TRAPPC9: variants seen among roughly 807,000 people sequenced by gnomAD.
TRAPPC9 encodes the protein IKK2 binding protein.
Under a neutral mutation model 124.0 loss-of-function variants are expected in TRAPPC9, and 83 were observed. That is an observed-to-expected ratio of 0.67 (90% CI 0.56 to 0.80). The LOEUF (loss-of-function observed/expected upper bound fraction) is 0.80. TRAPPC9 is among the 30% of genes least tolerant of loss of function. The pLI, the probability that TRAPPC9 is intolerant of heterozygous loss-of-function variation, is 0.00. For missense variants in TRAPPC9, 1,302 were observed against 1,508.3 expected (o/e 0.86, Z 2.27); for synonymous variants, 638 against 617.5 (o/e 1.03, Z -0.49).
intron 19 of TRAPPC9, among the ~76,000 whole-genome samples, chr8:139,966,853 T>C (rs1835739533): frequency 6.6e-6 from 1 of 152,170 alleles, no homozygotes; most frequent in African/African-American, 2.4e-5. Flanking sequence ...ATTCCCGACA[T>C]ACGGTTTAGC....
chr8:139,795,591 T>C (rs1822997674), intron 21 of TRAPPC9, among the ~76,000 whole-genome samples: 1 of 152,112 alleles, frequency 6.6e-6, no homozygotes, highest in Non-Finnish European at 1.5e-5. Context: ...AGTGAAGTCA[T>C]CAGTAAGCGG....
intron 5 of TRAPPC9, among the ~76,000 whole-genome samples, chr8:140,409,063 T>C (rs1012695159): frequency 6.6e-6 from 1 of 151,894 alleles, no homozygotes; most frequent in Non-Finnish European, 1.5e-5. Context: ...TTTAAAAATA[T>C]ATGCAACATA....
chr8:139,777,882 G>C (rs1240652599), intron 21 of TRAPPC9, among the ~76,000 whole-genome samples: 1 of 152,180 alleles, frequency 6.6e-6, no homozygotes, highest in Non-Finnish European at 1.5e-5. Flanking sequence ...CACCCCTAAA[G>C]ACTGTGAGTT....
At chr8:140,325,408 C>T (rs1282568909) in intron 9 of TRAPPC9, among the ~76,000 whole-genome samples, 1 of 152,052 alleles carries the variant, frequency 6.6e-6, no homozygotes, top group East Asian at 1.9e-4. Context: ...TGATAAACCC[C>T]TAGAAGAGAA....
intron 17 of TRAPPC9, among the ~76,000 whole-genome samples, chr8:140,117,261 A>C (rs1318184820): frequency 2.6e-5 from 4 of 152,222 alleles, no homozygotes; most frequent in Non-Finnish European, 5.9e-5. Context: ...CAAAGTGCTC[A>C]CCACACAGTA....
chr8:140,379,208 TG>T (rs1433162427), intron 7 of TRAPPC9, among the ~76,000 whole-genome samples: 1 of 152,204 alleles, frequency 6.6e-6, no homozygotes, highest in Non-Finnish European at 1.5e-5. Context: ...AGCCTGGTGC[TG>T]GTGTCCGAGG....
At chr8:139,856,008 TC>T (rs1273744300) in intron 21 of TRAPPC9, among the ~76,000 whole-genome samples, 3 of 152,062 alleles carry the variant, frequency 2.0e-5, no homozygotes, top group Non-Finnish European at 4.4e-5. Context: ...TTGAGCAAGT[TC>T]CCCAACTCCG....
chr8:140,005,503 C>G (rs889918701), intron 18 of TRAPPC9, among the ~76,000 whole-genome samples: 2 of 152,084 alleles, frequency 1.3e-5, no homozygotes, highest in Non-Finnish European at 2.9e-5. Context: ...TGGGGGTAAA[C>G]GAGCAGGTCT....
At position 140,195,254 on chromosome 8, in the gene TRAPPC9, C is replaced by T. The variant is rs112182224; in HGVS notation, c.2556+26205G>A. ...ACAGATAACACCTGTGACACTAAAA[C>T]ACACAACGATCCATCATACAGATCA... On this transcript the variant is annotated intron_variant, in intron 17 of 22. Transcript: ENST00000438773. Among the ~76,000 whole-genome samples, 6 of 152,164 alleles carry T rather than the reference C, an allele frequency of 3.9e-5. 1 individual carries two copies. Among genetic ancestry groups the T allele is most frequent in the African/African-American group, 1.4e-4 (6 of 41,478 alleles).
Position 140,025,593 on chromosome 8 carries a change from GA to G in TRAPPC9, c.2557-1515del, listed in dbSNP as rs1382950693. Among the ~76,000 whole-genome samples, 72 of 150,086 alleles carry G rather than the reference GA, an allele frequency of 4.8e-4. 1 individual carries two copies. Among genetic ancestry groups the G allele is most frequent in the Admixed American group, 2.3e-3 (35 of 15,102 alleles). ...AAAAAAAAAAAAAGAAAAGAAAAAG[GA>G]AAAAAAGGAAATCAAAGCTTCTCAA... On this transcript the variant is annotated intron_variant, in intron 17 of 22. Coordinates refer to ENST00000438773, the MANE Select transcript of TRAPPC9 (RefSeq NM_001160372.4).
chr8:140,444,755 T>C (rs2071178085), intron 2 of TRAPPC9, among the ~76,000 whole-genome samples: 1 of 150,876 alleles, frequency 6.6e-6, no homozygotes, highest in African/African-American at 2.4e-5. Context: ...TCCTAGCTAC[T>C]TAGGAGGCAA....
chr8:140,013,799 C>T (rs1839285526), intron 18 of TRAPPC9, among the ~76,000 whole-genome samples: 1 of 152,180 alleles, frequency 6.6e-6, no homozygotes, highest in Admixed American at 6.5e-5. Context: ...TTTTCAGACA[C>T]TTTATAACAC....
At chr8:140,229,483 C>T (rs942349223) in intron 16 of TRAPPC9, among the ~76,000 whole-genome samples, 2 of 151,872 alleles carry the variant, frequency 1.3e-5, no homozygotes, top group African/African-American at 4.8e-5. Flanking sequence ...CCAGGCTGCT[C>T]TTGAACTCCT....
At chr8:139,865,943 A>G (rs1828503763) in intron 21 of TRAPPC9, among the ~76,000 whole-genome samples, 1 of 152,194 alleles carries the variant, frequency 6.6e-6, no homozygotes, top group African/African-American at 2.4e-5. Context: ...GAAGCCTGAG[A>G]CATCAATCAA....
At chr8:139,818,643 C>T (rs1001063974) in intron 21 of TRAPPC9, among the ~76,000 whole-genome samples, 1 of 152,066 alleles carries the variant, frequency 6.6e-6, no homozygotes, top group African/African-American at 2.4e-5. Context: ...TAACAACTGG[C>T]TATTGTGGGG....
intron 4 of TRAPPC9, among the ~76,000 whole-genome samples, chr8:140,431,032 G>T (rs2070621933): frequency 6.6e-6 from 1 of 152,118 alleles, no homozygotes; most frequent in Admixed American, 6.5e-5. Flanking sequence ...GAAAACAGGG[G>T]TGTTTTTATT....
Position 140,203,031 on chromosome 8 carries a change from T to C in TRAPPC9, c.2556+18428A>G, listed in dbSNP as rs112492399. 1.2e-4 allele frequency among the ~76,000 whole-genome samples: 19 copies of C among 152,238 alleles called. 1 individual carries two copies. Among genetic ancestry groups the C allele is most frequent in the African/African-American group, 4.6e-4 (19 of 41,538 alleles). On this transcript the variant is annotated intron_variant, in intron 17 of 22. Coordinates refer to ENST00000438773, the MANE Select transcript of TRAPPC9 (RefSeq NM_001160372.4). ...AAGTGGTGCTAGCTGAAAACAAACT[T>C]AAAAGCAAAATGCAATGCAATGAGT...
At chr8:140,378,924 A>G (rs1398707438) in intron 7 of TRAPPC9, among the ~76,000 whole-genome samples, 1 of 152,094 alleles carries the variant, frequency 6.6e-6, no homozygotes, top group Non-Finnish European at 1.5e-5. Context: ...TGAGCTTTGC[A>G]TTTTGAAAGA....
At chr8:140,423,348 G>C (rs2070288501) in intron 5 of TRAPPC9, among the ~76,000 whole-genome samples, 1 of 152,070 alleles carries the variant, frequency 6.6e-6, no homozygotes, top group South Asian at 2.1e-4. Flanking sequence ...GCTGAAGCAG[G>C]AGAATCGCTT....
Sources: gnomAD v4.1 joint callset for allele counts (sites outside exome capture counted in the v4.1 genomes callset) on GRCh38, gnomAD v4.1.1 for gene constraint, MANE v1.5 for transcripts, NCBI Gene and HGNC (gene_info 2026-07-23, HGNC 2026-07-21) for gene names.